C1orf21: variants seen among roughly 807,000 people sequenced by gnomAD.
C1orf21 encodes uncharacterized protein C1orf21.
A neutral mutation model predicts 18.7 loss-of-function variants in C1orf21; 3 were observed. The observed-to-expected ratio is 0.16, with a 90% confidence interval of 0.07 to 0.42. C1orf21 has a LOEUF of 0.42. C1orf21 is among the 10% of genes least tolerant of loss of function. The probability of loss-of-function intolerance (pLI) is 0.99; values close to 1 mark genes in which losing one functional copy is unlikely to be tolerated. For missense variants in C1orf21, 104 were observed against 143.6 expected (o/e 0.72, Z 1.41); for synonymous variants, 41 against 46.4 (o/e 0.88, Z 0.47).
chr1:184,432,513 C>A (rs1324400757), intron 1 of C1orf21, among the ~76,000 whole-genome samples: 1 of 151,980 alleles, frequency 6.6e-6, no homozygotes, highest in Non-Finnish European at 1.5e-5. Flanking sequence ...ACGCTGGGGC[C>A]TGTTGCAGGG....
At chr1:184,394,929 A>G (rs991814134) in intron 1 of C1orf21, among the ~76,000 whole-genome samples, 1 of 152,122 alleles carries the variant, frequency 6.6e-6, no homozygotes, top group African/African-American at 2.4e-5. Flanking sequence ...ATGACAGTCT[A>G]GATGCGACTC....
intron 3 of C1orf21, among the ~76,000 whole-genome samples, chr1:184,585,951 TA>T (rs1247385745): frequency 2.6e-5 from 4 of 152,294 alleles, no homozygotes; most frequent in Non-Finnish European, 5.9e-5. Flanking sequence ...GTCTTTATGA[TA>T]GAACGATTTA....
intron 3 of C1orf21, chr1:184,568,506 A>G: frequency 2.2e-6 from 1 of 458,964 alleles, no homozygotes. Context: ...TAAGGGAATA[A>G]TATTTGATAT....
intron 1 of C1orf21, among the ~76,000 whole-genome samples, chr1:184,415,902 A>G (rs1293349052): frequency 6.6e-6 from 1 of 152,196 alleles, no homozygotes; most frequent in Non-Finnish European, 1.5e-5. Context: ...ATCATTGCAA[A>G]AGAAACTTTT....
At chr1:184,525,802 A>T (rs546080784) in intron 3 of C1orf21, among the ~76,000 whole-genome samples, 108 of 152,312 alleles carry the variant, frequency 7.1e-4, no homozygotes, top group African/African-American at 2.6e-3. Context: ...CTGCCAGATC[A>T]AAAGCCTGTT....
At chr1:184,571,051 T>C (rs1659101576) in intron 3 of C1orf21, among the ~76,000 whole-genome samples, 2 of 152,052 alleles carry the variant, frequency 1.3e-5, no homozygotes, top group South Asian at 2.1e-4. Context: ...CCCAGCACTT[T>C]GGGAGGCCGA....
At chr1:184,479,856 C>CA (rs1178927485) in intron 2 of C1orf21, among the ~76,000 whole-genome samples, 4 of 152,034 alleles carry the variant, frequency 2.6e-5, no homozygotes, top group Non-Finnish European at 1.5e-5. Flanking sequence ...CTCCTGGACT[C>CA]AAGCAATCTG....
At chr1:184,422,135 G>C (rs1656555580) in intron 1 of C1orf21, among the ~76,000 whole-genome samples, 1 of 152,210 alleles carries the variant, frequency 6.6e-6, no homozygotes, top group Non-Finnish European at 1.5e-5. Context: ...GCTAGAGAAA[G>C]AGTATCAGGC....
chr1:184,473,283 A>G (rs1657521362), intron 1 of C1orf21, among the ~76,000 whole-genome samples: 2 of 152,234 alleles, frequency 1.3e-5, no homozygotes, highest in African/African-American at 4.8e-5. Context: ...CAGAAATAAC[A>G]TGCTGGTAAT....
intron 3 of C1orf21, among the ~76,000 whole-genome samples, chr1:184,537,266 G>A (rs1339565): frequency 0.51 from 78,227 of 151,928 alleles, 20,412 homozygotes; most frequent in African/African-American, 0.62. Context: ...CTGAAATTCT[G>A]TACCCATTAC....
chr1:184,552,013 G>A (rs1240180341), intron 3 of C1orf21, among the ~76,000 whole-genome samples: 1 of 150,716 alleles, frequency 6.6e-6, no homozygotes, highest in Non-Finnish European at 1.5e-5. Flanking sequence ...AAAACAAGAG[G>A]GCTTTGGGCA....
rs1659947971 is a variant in C1orf21, at chr1:184,622,983, C to T, written c.*3427C>T. On this transcript the variant is annotated 3_prime_UTR_variant, in exon 6 of 6. Coordinates refer to ENST00000235307, the MANE Select transcript of C1orf21 (RefSeq NM_030806.4). Reference sequence around the variant, plus strand: ...ATCCTGCTTTGTTATCTTCTTATAACTTTATCCTGCTATAACTTTATCCTC... The same window carrying T: ...ATCCTGCTTTGTTATCTTCTTATAATTTTATCCTGCTATAACTTTATCCTC... 2 of 152,258 alleles carry T rather than the reference C, an allele frequency of 1.3e-5. No homozygotes were observed. The highest frequency in any genetic ancestry group is 1.3e-4 in the Admixed American group (2 of 15,292). The allele number at this position is 152,258 out of a possible 1,614,324, so 9.4% of individuals were successfully genotyped here.
intron 3 of C1orf21, among the ~76,000 whole-genome samples, chr1:184,581,044 G>A (rs1189697544): frequency 6.6e-6 from 1 of 152,094 alleles, no homozygotes; most frequent in African/African-American, 2.4e-5. Flanking sequence ...GTTGACATGG[G>A]GCCTCCATTA....
intron 3 of C1orf21, among the ~76,000 whole-genome samples, chr1:184,580,918 C>A (rs1233160876): frequency 6.6e-6 from 1 of 151,954 alleles, no homozygotes; most frequent in African/African-American, 2.4e-5. Context: ...TGAAAACTCC[C>A]TATGTATTTT....
intron 3 of C1orf21, among the ~76,000 whole-genome samples, chr1:184,585,692 CT>C (rs1279266283): frequency 2.6e-5 from 4 of 152,194 alleles, no homozygotes; most frequent in African/African-American, 9.6e-5. Flanking sequence ...CATTATTTAG[CT>C]CCCACTTATA....
At chr1:184,417,936 C>T (rs1656481069) in intron 1 of C1orf21, among the ~76,000 whole-genome samples, 1 of 152,230 alleles carries the variant, frequency 6.6e-6, no homozygotes, top group Admixed American at 6.5e-5. Context: ...GAACTCTTTG[C>T]TGACCTCCCT....
chr1:184,530,369 A>G (rs1658441658), intron 3 of C1orf21, among the ~76,000 whole-genome samples: 1 of 152,156 alleles, frequency 6.6e-6, no homozygotes, highest in African/African-American at 2.4e-5. Flanking sequence ...TGCCTGCTGC[A>G]TAATAAGTGC....
At chr1:184,615,324 C>G (rs541305670) in intron 5 of C1orf21, among the ~76,000 whole-genome samples, 1 of 152,264 alleles carries the variant, frequency 6.6e-6, no homozygotes, top group Admixed American at 6.5e-5. Context: ...TGAGTCTGCA[C>G]CCGAAGGCAC....
intron 1 of C1orf21, chr1:184,412,114 C>A (rs953244483): frequency 6.6e-6 from 1 of 152,108 alleles, no homozygotes; most frequent in African/African-American, 2.4e-5. Context: ...ATTTTAGTTC[C>A]CTTACCCCCA....
Sources: gnomAD v4.1 joint callset for allele counts (sites outside exome capture counted in the v4.1 genomes callset) on GRCh38, gnomAD v4.1.1 for gene constraint, MANE v1.5 for transcripts, NCBI Gene and HGNC (gene_info 2026-07-23, HGNC 2026-07-21) for gene names.